The following KCNMA1 variants were observed in gnomAD, a reference collection of about 807,000 sequenced individuals.
KCNMA1 encodes the protein Calcium-activated potassium channel subunit alpha-1.
A neutral mutation model predicts 140.0 loss-of-function variants in KCNMA1; 29 were observed. The ratio of observed to expected loss-of-function variants is 0.21; its 90% CI spans 0.15 to 0.28. The LOEUF is 0.28. KCNMA1 is among the 10% of genes least tolerant of loss of function. The pLI, the probability that KCNMA1 is intolerant of heterozygous loss-of-function variation, is 1.00. For missense variants in KCNMA1, 880 were observed against 1,602.2 expected, an observed-to-expected ratio of 0.55 and a Z score of 7.70; for synonymous variants, 612 against 611.9, an observed-to-expected ratio of 1.00 and a Z score of 0.00.
chr10:77,103,737 C>T (rs922202421), intron 9 of KCNMA1, among the ~76,000 whole-genome samples: 5 of 152,120 alleles, frequency 3.3e-5, no homozygotes, highest in Admixed American at 6.5e-5. Context: ...TCTAGTCTAA[C>T]CAAATGGGAA....
chr10:77,227,383 G>T (rs532877345), intron 3 of KCNMA1, among the ~76,000 whole-genome samples: 1 of 152,292 alleles, frequency 6.6e-6, no homozygotes, highest in African/African-American at 2.4e-5. Context: ...CAGTGACTCA[G>T]AAGGTACTGC....
chr10:77,351,130 T>G (rs1196961488), intron 2 of KCNMA1, among the ~76,000 whole-genome samples: 1 of 152,250 alleles, frequency 6.6e-6, no homozygotes, highest in Non-Finnish European at 1.5e-5. Context: ...ATACGATTGC[T>G]TTTATTACTG....
At chr10:76,980,619 CTTG>C (rs1352786585) in intron 19 of KCNMA1, 1 of 152,120 alleles carries the variant, frequency 6.6e-6, no homozygotes, top group African/African-American at 2.4e-5. Flanking sequence ...AATTAAAAAT[CTTG>C]TAGAGGACTG....
intron 1 of KCNMA1, among the ~76,000 whole-genome samples, chr10:77,513,077 A>T (rs182644006): frequency 8.5e-5 from 13 of 152,290 alleles, no homozygotes; most frequent in Non-Finnish European, 1.5e-4. Context: ...ACCATGGCCA[A>T]CAAAGCCCTG....
chr10:77,261,078 C>T (rs1031932814), intron 2 of KCNMA1, among the ~76,000 whole-genome samples: 16 of 152,106 alleles, frequency 1.1e-4, no homozygotes, highest in Admixed American at 2.0e-4. Flanking sequence ...ACCTGGGGGT[C>T]TCTATCAGTA....
intron 1 of KCNMA1, among the ~76,000 whole-genome samples, chr10:77,554,789 G>A (rs150449413): frequency 2.6e-5 from 4 of 152,100 alleles, no homozygotes; most frequent in Non-Finnish European, 5.9e-5. Context: ...AGACTCCTCC[G>A]CACATGGAAG....
intron 9 of KCNMA1, among the ~76,000 whole-genome samples, chr10:77,104,721 G>A (rs1242143243): frequency 6.6e-6 from 1 of 152,176 alleles, no homozygotes; most frequent in African/African-American, 2.4e-5. Flanking sequence ...ATGGCCCTTG[G>A]CCATGTGACC....
chr10:77,200,514 G>A (rs1264540580), intron 3 of KCNMA1, among the ~76,000 whole-genome samples: 1 of 152,066 alleles, frequency 6.6e-6, no homozygotes, highest in African/African-American at 2.4e-5. Flanking sequence ...AGGAAGAGGG[G>A]ATTAGGTCCA....
rs1011227093 is a variant in KCNMA1 at position 77,389,728 on chromosome 10, C to T, written c.540+14134G>A. Among the ~76,000 whole-genome samples the T allele has an allele frequency of 9.2e-5, 14 of 152,264 alleles. No homozygotes were observed. The East Asian group carries it at 1.9e-3, about 21-fold the overall frequency. ...TTTGGAATATGGCCCCCTCCTCCCA[C>T]GGCATCCTTCCCCCTGCCCAGTGCC... On this transcript the variant is annotated intron_variant, in intron 2 of 27. Coordinates refer to ENST00000286628, the MANE Select transcript of KCNMA1 (RefSeq NM_001161352.2).
At chr10:77,204,709 T>A (rs2043512854) in intron 3 of KCNMA1, among the ~76,000 whole-genome samples, 1 of 152,186 alleles carries the variant, frequency 6.6e-6, no homozygotes, top group Non-Finnish European at 1.5e-5. Flanking sequence ...TAGAATCATG[T>A]AGACTCTGTG....
chr10:76,932,876 C>A (rs535089734), intron 23 of KCNMA1, among the ~76,000 whole-genome samples: 1 of 152,156 alleles, frequency 6.6e-6, no homozygotes, highest in Non-Finnish European at 1.5e-5. Context: ...TTCACAGCTC[C>A]CTGGAGCAGA....
chr10:77,054,653 C>T (rs2095483088), intron 14 of KCNMA1, among the ~76,000 whole-genome samples: 1 of 152,206 alleles, frequency 6.6e-6, no homozygotes, highest in South Asian at 2.1e-4. Flanking sequence ...TTTCTCCGAA[C>T]ATGAAACCCT....
chr10:77,212,644 T>C (rs2046438934), intron 3 of KCNMA1, among the ~76,000 whole-genome samples: 1 of 152,076 alleles, frequency 6.6e-6, no homozygotes, highest in South Asian at 2.1e-4. Flanking sequence ...TTTGTTATAT[T>C]CTCTCTCTCT....
intron 2 of KCNMA1, among the ~76,000 whole-genome samples, chr10:77,269,480 G>A (rs1232883489): frequency 6.6e-6 from 1 of 152,128 alleles, no homozygotes; most frequent in Non-Finnish European, 1.5e-5. Context: ...TCCTCTCAGG[G>A]AAAGATAACT....
At chr10:77,019,603 G>A (rs977397416) in intron 16 of KCNMA1, 13 of 155,118 alleles carry the variant, frequency 8.4e-5, no homozygotes, top group African/African-American at 2.9e-4. Flanking sequence ...CAAGACACCC[G>A]TAACCAATGC....
At chr10:77,004,561 T>C (rs1224598655) in intron 18 of KCNMA1, among the ~76,000 whole-genome samples, 1 of 152,194 alleles carries the variant, frequency 6.6e-6, no homozygotes, top group Non-Finnish European at 1.5e-5. Flanking sequence ...TGGGCCATTA[T>C]ACAAATCATG....
At chr10:77,540,582 T>C (rs1377316971) in intron 1 of KCNMA1, among the ~76,000 whole-genome samples, 1 of 152,262 alleles carries the variant, frequency 6.6e-6, no homozygotes, top group Non-Finnish European at 1.5e-5. Context: ...TGGAATTTAT[T>C]ATGCATTTTA....
At chr10:77,340,864 A>T (rs1365613327) in intron 2 of KCNMA1, among the ~76,000 whole-genome samples, 9 of 144,300 alleles carry the variant, frequency 6.2e-5, no homozygotes, top group South Asian at 2.2e-4. Context: ...AGTATAATTT[A>T]AAAAATGCCA....
intron 5 of KCNMA1, among the ~76,000 whole-genome samples, chr10:77,160,823 G>A (rs2098546364): frequency 6.6e-6 from 1 of 152,172 alleles, no homozygotes; most frequent in Non-Finnish European, 1.5e-5. Flanking sequence ...GTTAGTCATT[G>A]AGGCCACTCC....
Sources: gnomAD v4.1 joint callset for allele counts (sites outside exome capture counted in the v4.1 genomes callset) on GRCh38, gnomAD v4.1.1 for gene constraint, MANE v1.5 for transcripts, NCBI Gene and HGNC (gene_info 2026-07-23, HGNC 2026-07-21) for gene names.